The following KLHL30 variants were observed in gnomAD, a reference collection of about 807,000 sequenced individuals.
The protein encoded by KLHL30 is kelch like family member 30, also known as kelch-like protein 30.
A neutral mutation model predicts 55.0 loss-of-function variants in KLHL30; 55 were observed. The ratio of observed to expected loss-of-function variants is 1.00; its 90% CI spans 0.80 to 1.25. The LOEUF (loss-of-function observed/expected upper bound fraction) is 1.25. Among genes scored for constraint, KLHL30 ranks in the 50% most tolerant of loss-of-function variants. The pLI is 0.00. For missense variants in KLHL30, 786 were observed against 811.6 expected, an observed-to-expected ratio of 0.97 and a Z score of 0.38; for synonymous variants, 356 against 372.6, an observed-to-expected ratio of 0.96 and a Z score of 0.51.
chr2:238,150,978 C>A lies in KLHL30; in HGVS notation c.1650C>A (p.Pro550=). ...RDTWTRHGAL[P]RLWLYHGAST... ...CCTGGACCCGCCACGGCGCCCTGCC[C>A]CGGCTCTGGCTCTACCACGGGGCCT... The change falls in exon 8 of 8, where the codon CCC becomes CCA. Residue 550 remains proline, a synonymous_variant. Transcript: ENST00000409223. 6.3e-7 allele frequency: 1 copy of A among 1,590,610 alleles called. No individual in the cohort carries two copies.
At chr2:238,150,594 G>A (rs1692736043) in intron 7 of KLHL30, among the ~76,000 whole-genome samples, 1 of 152,150 alleles carries the variant, frequency 6.6e-6, no homozygotes, top group Non-Finnish European at 1.5e-5. Context: ...CAAGGGCTGA[G>A]GGTCAGAGAG....
chr2:238,152,106 G>A lies in KLHL30; in HGVS notation c.*1041G>A. 1 of 985,502 alleles carries A rather than the reference G, an allele frequency of 1.0e-6. No homozygotes were observed. Among genetic ancestry groups the A allele is most frequent in the Non-Finnish European group, 1.2e-6 (1 of 829,982 alleles). 61.0% of individuals were successfully genotyped at this position (985,502 alleles called of 1,614,324 possible). Reference sequence around the variant, plus strand: ...GTCACAGGCTCCGCCCTGGGACATGGGGCTAGAAGTCAGGAGTCGGGCCCG... The same window carrying A: ...GTCACAGGCTCCGCCCTGGGACATGAGGCTAGAAGTCAGGAGTCGGGCCCG... On this transcript the variant is annotated 3_prime_UTR_variant, in exon 8 of 8. Transcript: ENST00000409223.
At chr2:238,146,197 C>T (rs1252823866) in intron 5 of KLHL30, among the ~76,000 whole-genome samples, 1 of 151,904 alleles carries the variant, frequency 6.6e-6, no homozygotes, top group Non-Finnish European at 1.5e-5. Context: ...ACCCAGGAGC[C>T]GTCACTGATT....
Position 238,150,814 on chromosome 2 carries a change from G to C in KLHL30, c.1486G>C (p.Val496Leu), listed in dbSNP as rs780732464. 1.3e-6 allele frequency: 2 copies of C among 1,581,252 alleles called. No individual in the cohort carries two copies. The highest frequency in any genetic ancestry group is 1.7e-6 in the Non-Finnish European group (2 of 1,165,420). The change falls in exon 8 of 8, where the codon GTG (valine) becomes CTG (leucine). Residue 496 changes from valine (V) to leucine (L), a missense_variant and splice_region_variant. Val to Leu is a conservative substitution (Grantham distance 32). Coordinates refer to ENST00000409223, the MANE Select transcript of KLHL30 (RefSeq NM_198582.4). ...YDPGANLWQK[V>L]QSQHSLHENG... ...ACGCTAACCCGCTGACCGTGCACAGGTGCAGTCACAGCACAGCCTGCATGA... is the reference window on the plus strand; with the variant it reads ...ACGCTAACCCGCTGACCGTGCACAGCTGCAGTCACAGCACAGCCTGCATGA...
chr2:238,144,101 G>C (rs1356694663), intron 3 of KLHL30, among the ~76,000 whole-genome samples: 1 of 152,214 alleles, frequency 6.6e-6, no homozygotes, highest in Non-Finnish European at 1.5e-5. Flanking sequence ...GTAGCTCCGA[G>C]AGGCAGGCCT....
At chr2:238,139,454 G>A (rs1403720936) in intron 1 of KLHL30, among the ~76,000 whole-genome samples, 1 of 152,220 alleles carries the variant, frequency 6.6e-6, no homozygotes, top group Middle Eastern at 3.2e-3. Context: ...GGATGCTGGG[G>A]TGTGGGGCCC....
Position 238,143,003 on chromosome 2 carries a change from G to T in KLHL30, c.907+72G>T, listed in dbSNP as rs1692570214. ...CAGCGGGAGCCGCTGTGTCCTCCTT[G>T]CAGGTGGAGCGCATGAGGCTCGCAG... On this transcript the variant is annotated intron_variant, in intron 3 of 7. Transcript: ENST00000409223. The T allele has an allele frequency of 2.8e-6, 4 of 1,433,680 alleles. No homozygotes were observed. The East Asian group carries it at 1.1e-4, about 41-fold the overall frequency. The allele number at this position is 1,433,680 out of a possible 1,614,324, so 88.8% of individuals were successfully genotyped here.
chr2:238,140,078 C>T (rs2106310010), intron 1 of KLHL30, among the ~76,000 whole-genome samples: 1 of 152,362 alleles, frequency 6.6e-6, no homozygotes, highest in African/African-American at 2.4e-5. Flanking sequence ...TCCAGCTCCA[C>T]CACTTCCTAA....
chr2:238,143,062 G>T, intron 3 of KLHL30, 131 bp downstream of exon 3: 1 of 1,189,192 alleles, frequency 8.4e-7, no homozygotes, highest in Non-Finnish European at 1.1e-6. Flanking sequence ...CCTGTGAGGG[G>T]CGTGCCTGGG....
rs370545176 is a variant in KLHL30 at position 238,144,924 on chromosome 2, C to G, written c.930C>G (p.Asp310Glu). ...CAGAGAGGTGGATGGCACTTCCAGA[C>G]TTCCCCGACTATCACAAGTGGGGTT... ...SKAKRWMALP[D>E]FPDYHKWGFS... is the part of the protein sequence containing the mutation. The change falls in exon 4 of 8, where the codon GAC becomes GAG. Residue 310 changes from aspartate to glutamate, a missense_variant. By Grantham distance (45) the Asp-to-Glu change is conservative (BLOSUM62 2). Coordinates refer to ENST00000409223, the MANE Select transcript of KLHL30 (RefSeq NM_198582.4). 2.5e-6 allele frequency: 4 copies of G among 1,611,320 alleles called. No individual in the cohort carries two copies. In the African/African-American group the frequency reaches 5.3e-5, roughly 22 times the overall value.
chr2:238,141,651 CCTT>C, intron 2 of KLHL30, 123 bp downstream of exon 2: 1 of 1,135,560 alleles, frequency 8.8e-7, no homozygotes, highest in Non-Finnish European at 1.2e-6. Flanking sequence ...TTGCCACGCT[CCTT>C]GTTTTGGGCC....
rs754612496 is a variant in KLHL30, at chr2:238,140,862, A to G, written c.108A>G (p.Thr36=). ...LRSQPKLADV[T]LLVGGRELPC... ...CTCAGCCCAAGCTGGCCGACGTCAC[A>G]CTGCTGGTGGGCGGCCGGGAGCTGC... Residue 36 remains threonine, a synonymous_variant, in exon 2 of 8, where the codon ACA becomes ACG. Transcript: ENST00000409223. 7 of 1,610,938 alleles carry G rather than the reference A, an allele frequency of 4.3e-6. No homozygotes were observed. In the Admixed American group the frequency reaches 1.2e-4, roughly 27 times the overall value.
In KLHL30 at chr2:238,151,521, C is replaced by CG; in HGVS notation, c.*456_*457insG. 2 of 188,760 alleles carry CG rather than the reference C, an allele frequency of 1.1e-5. No homozygotes were observed. The highest frequency in any genetic ancestry group is 1.4e-4 in the East Asian group (1 of 6,964). The allele number at this position is 188,760 out of a possible 1,614,324, so 11.7% of individuals were successfully genotyped here. On this transcript the variant is annotated 3_prime_UTR_variant, in exon 8 of 8. Coordinates refer to ENST00000409223, the MANE Select transcript of KLHL30 (RefSeq NM_198582.4). ...CAGGCCCCGGAGATGGGATCAGCAC[C>CG]AGGTCCTCGTGGGCCTGCTTCTGCC...
chr2:238,139,716 G>A (rs934270253), intron 1 of KLHL30, among the ~76,000 whole-genome samples: 5 of 152,152 alleles, frequency 3.3e-5, no homozygotes, highest in South Asian at 2.1e-4. Flanking sequence ...GTGGACGCGC[G>A]GCCGCCTCTC....
intron 2 of KLHL30, among the ~76,000 whole-genome samples, chr2:238,142,518 C>A (rs1390318744): frequency 1.3e-5 from 2 of 152,298 alleles, no homozygotes; most frequent in Non-Finnish European, 1.5e-5. Flanking sequence ...CCTCGTGCCG[C>A]CTGCTGGAGG....
chr2:238,140,636 G>C, intron 1 of KLHL30, 49 bp from the exon 2 acceptor site: 2 of 1,084,810 alleles, frequency 1.8e-6, no homozygotes. Context: ...GGTTGCTCAG[G>C]AGGATGAGAC....
chr2:238,151,196 G>A lies in KLHL30; in HGVS notation c.*131G>A. 2 of 1,270,938 alleles carry A rather than the reference G, an allele frequency of 1.6e-6. No homozygotes were observed. The highest frequency in any genetic ancestry group is 2.1e-6 in the Non-Finnish European group (2 of 932,322). The allele number at this position is 1,270,938 out of a possible 1,614,324, so 78.7% of individuals were successfully genotyped here. On this transcript the variant is annotated 3_prime_UTR_variant, in exon 8 of 8. Transcript: ENST00000409223. Reference sequence around the variant, plus strand: ...CTTCCAAGCTGCGCTCAGGCCACCAGGGGTGATCAGACGGCATGGCTTGGA... The same window carrying A: ...CTTCCAAGCTGCGCTCAGGCCACCAAGGGTGATCAGACGGCATGGCTTGGA...
chr2:238,150,061 C>G (rs1038569596), intron 7 of KLHL30, among the ~76,000 whole-genome samples: 14 of 152,206 alleles, frequency 9.2e-5, no homozygotes, highest in Non-Finnish European at 4.4e-5. Flanking sequence ...TCAGCTGACC[C>G]AGGGCCCCCA....
rs758218265 is a variant in KLHL30 at position 238,149,160 on chromosome 2, G to A, written c.1485+8G>A. Reference sequence around the variant, plus strand: ...GCCAACCTGTGGCAGAAGGTGGGCCGCCCCCTCCCCCAACATGTGTGAGCC... The same window carrying A: ...GCCAACCTGTGGCAGAAGGTGGGCCACCCCCTCCCCCAACATGTGTGAGCC... On this transcript the variant is annotated splice_region_variant and intron_variant, in intron 7 of 7. Transcript: ENST00000409223. 1.1e-5 allele frequency: 17 copies of A among 1,611,856 alleles called. No homozygotes were observed. The highest frequency in any genetic ancestry group is 5.3e-5 in the African/African-American group (4 of 74,912).
Sources: gnomAD v4.1 joint callset for allele counts (sites outside exome capture counted in the v4.1 genomes callset) on GRCh38, gnomAD v4.1.1 for gene constraint, MANE v1.5 for transcripts, NCBI Gene and HGNC (gene_info 2026-07-23, HGNC 2026-07-21) for gene names.